Variants in CCDC69 observed in about 807,000 individuals in gnomAD.
CCDC69 encodes the protein coiled-coil domain containing 69.
In CCDC69, 38 loss-of-function variants were observed where a neutral mutation model predicts 40.3. That is an observed-to-expected ratio of 0.94 (90% CI 0.73 to 1.24). The LOEUF (loss-of-function observed/expected upper bound fraction) is 1.24, where lower values mean the gene tolerates loss of function less well. CCDC69 is among the 50% of genes most tolerant of loss of function. CCDC69 has a pLI of 0.00. For synonymous variants in CCDC69, 141 were observed against 138.9 expected (o/e 1.02, Z -0.11); for missense variants, 389 against 357.9 (o/e 1.09, Z -0.70).
intron 1 of CCDC69, among the ~76,000 whole-genome samples, chr5:151,221,974 A>G (rs980961128): frequency 4.6e-5 from 7 of 152,248 alleles, no homozygotes; most frequent in African/African-American, 1.7e-4. Flanking sequence ...ATCTTGCCAT[A>G]TAGGGGCAGG....
intron 4 of CCDC69, among the ~76,000 whole-genome samples, chr5:151,190,281 T>G (rs1752589253): frequency 1.3e-5 from 2 of 152,210 alleles, no homozygotes; most frequent in African/African-American, 4.8e-5. Context: ...TGTATGTAGA[T>G]GTAATACATG....
rs186767064 is a variant in CCDC69 at position 151,212,379 on chromosome 5, C to A, written c.49-6904G>T. 438 of 169,200 alleles carry A rather than the reference C, an allele frequency of 2.6e-3. 2 individuals carry two copies. Among genetic ancestry groups the A allele is most frequent in the Non-Finnish European group, 3.9e-3 (301 of 76,518 alleles). 10.5% of individuals were successfully genotyped at this position (169,200 alleles called of 1,614,324 possible). ...CTCCTAAGAAGGCTGGAAATAGAGCCCCTATACCCAGGTGACACTCACAGC... is the reference window on the plus strand; with the variant it reads ...CTCCTAAGAAGGCTGGAAATAGAGCACCTATACCCAGGTGACACTCACAGC... On this transcript the variant is annotated intron_variant, in intron 1 of 8. Coordinates refer to ENST00000355417, the MANE Select transcript of CCDC69 (RefSeq NM_015621.3).
chr5:151,190,188 T>G (rs1459658547), intron 4 of CCDC69, among the ~76,000 whole-genome samples: 1 of 152,184 alleles, frequency 6.6e-6, no homozygotes, highest in African/African-American at 2.4e-5. Flanking sequence ...GTAAATACAA[T>G]AGACTGTTCT....
At chr5:151,197,356 C>T (rs559466384) in intron 4 of CCDC69, among the ~76,000 whole-genome samples, 2 of 152,150 alleles carry the variant, frequency 1.3e-5, no homozygotes, top group South Asian at 2.1e-4. Context: ...GGCAAAACCC[C>T]ATCTCTACAA....
intron 1 of CCDC69, among the ~76,000 whole-genome samples, chr5:151,222,414 C>T (rs1033599629): frequency 1.3e-5 from 2 of 152,246 alleles, no homozygotes; most frequent in Non-Finnish European, 2.9e-5. Flanking sequence ...GGCTCTTCCC[C>T]GTTTCCTCCA....
At chr5:151,193,342 CAAAA>C (rs35463341) in intron 4 of CCDC69, among the ~76,000 whole-genome samples, 3,027 of 77,488 alleles carry the variant, frequency 0.039, 35 homozygotes, top group African/African-American at 0.049. Flanking sequence ...CTCATTTCTA[CAAAA>C]AAAAAAAAAA....
Position 151,221,328 on chromosome 5 carries a change from C to T in CCDC69, c.48+2595G>A, listed in dbSNP as rs114623310. On this transcript the variant is annotated intron_variant, in intron 1 of 8. Coordinates refer to ENST00000355417, the MANE Select transcript of CCDC69 (RefSeq NM_015621.3). The stretch of plus-strand genomic sequence containing the variant: ...CCATTCTCCACAAAGAACCCCCTCA[C>T]GCTGTGCTTTCAGTGGCTCAGCCTT... Among the ~76,000 whole-genome samples, 784 of 152,364 alleles carry T rather than the reference C, an allele frequency of 5.1e-3. 4 individuals carry two copies. The highest frequency in any genetic ancestry group is 0.014 in the Middle Eastern group (4 of 294).
intron 1 of CCDC69, among the ~76,000 whole-genome samples, chr5:151,214,420 C>T (rs956439907): frequency 6.6e-6 from 1 of 152,080 alleles, no homozygotes; most frequent in African/African-American, 2.4e-5. Context: ...GTGTTCACAC[C>T]CGAATTACAG....
intron 4 of CCDC69, 28 bp from the exon 5 acceptor site, chr5:151,187,487 T>G: frequency 1.3e-6 from 2 of 1,588,442 alleles, no homozygotes; most frequent in Non-Finnish European, 1.7e-6. Flanking sequence ...CTCCATAAGC[T>G]CAAGACACTT....
intron 4 of CCDC69, among the ~76,000 whole-genome samples, chr5:151,195,238 T>C (rs1752680643): frequency 6.6e-6 from 1 of 152,216 alleles, no homozygotes; most frequent in African/African-American, 2.4e-5. Flanking sequence ...GGTGTTACAG[T>C]AGGAAATTCT....
intron 6 of CCDC69, 84 bp from the exon 7 acceptor site, chr5:151,185,625 C>T (rs1457285924): frequency 4.9e-6 from 7 of 1,419,254 alleles, no homozygotes; most frequent in Non-Finnish European, 6.9e-6. Flanking sequence ...GTTGGACTTT[C>T]ACAAGTCACC....
intron 4 of CCDC69, among the ~76,000 whole-genome samples, chr5:151,197,551 A>C (rs550168230): frequency 1.6e-4 from 25 of 152,210 alleles, no homozygotes; most frequent in Non-Finnish European, 2.4e-4. Flanking sequence ...AACAAAAAAA[A>C]CAAAAACAAA....
At chr5:151,197,767 G>A (rs1390222691) in intron 4 of CCDC69, among the ~76,000 whole-genome samples, 2 of 152,094 alleles carry the variant, frequency 1.3e-5, no homozygotes, top group East Asian at 1.9e-4. Flanking sequence ...TTATAAAACC[G>A]GGGTTGATTA....
intron 7 of CCDC69, chr5:151,184,770 T>C (rs1031586419): frequency 5.2e-6 from 1 of 194,116 alleles, no homozygotes; most frequent in African/African-American, 2.3e-5. Context: ...GTCTGTTATG[T>C]GTTTCCACAA....
At chr5:151,205,543 A>C (rs1377106773) in intron 1 of CCDC69, 68 bp from the exon 2 acceptor site, 2 of 1,302,072 alleles carry the variant, frequency 1.5e-6, no homozygotes. Flanking sequence ...ACGGGCTGCT[A>C]TAGTGGGACT....
intron 1 of CCDC69, among the ~76,000 whole-genome samples, chr5:151,214,939 C>T (rs1214888052): frequency 6.6e-6 from 1 of 152,210 alleles, no homozygotes; most frequent in Non-Finnish European, 1.5e-5. Flanking sequence ...TCTAATACAC[C>T]TTATTTATTT....
At chr5:151,205,790 TTCTCCCGGGA>T (rs2113996679) in intron 1 of CCDC69, among the ~76,000 whole-genome samples, 1 of 152,276 alleles carries the variant, frequency 6.6e-6, no homozygotes, top group African/African-American at 2.4e-5. Context: ...CACCTCTTTC[TTCTCCCGGGA>T]TCTGGCCGGA....
Position 151,199,097 on chromosome 5 carries a change from A to C in CCDC69, c.232-13T>G, listed in dbSNP as rs755311974. The C allele has an allele frequency of 6.2e-7, 1 of 1,606,544 alleles. No homozygotes were observed. Among genetic ancestry groups the C allele is most frequent in the Non-Finnish European group, 8.5e-7 (1 of 1,173,796 alleles). On this transcript the variant is annotated splice_polypyrimidine_tract_variant and intron_variant, in intron 3 of 8. Coordinates refer to ENST00000355417, the MANE Select transcript of CCDC69 (RefSeq NM_015621.3). ...TTTCCTTCTCCACCTGGGGGCAGAG[A>C]GTCCCGGGCAGGACTGAGATTGAGC...
rs1393789927 is a variant in CCDC69 at position 151,183,306 on chromosome 5, C to A, written c.*131G>T. 2.8e-6 allele frequency: 3 copies of A among 1,060,504 alleles called. No homozygotes were observed. The highest frequency in any genetic ancestry group is 4.3e-6 in the Non-Finnish European group (3 of 700,304). 65.7% of individuals were successfully genotyped at this position (1,060,504 alleles called of 1,614,324 possible). A position where few individuals can be genotyped will look rare whatever the true frequency, so the allele number is the denominator to read the frequency against. On this transcript the variant is annotated 3_prime_UTR_variant, in exon 9 of 9. Transcript: ENST00000355417. ...GCCCCAGGGCTCACTGGGCACACAC[C>A]CAGGATCTCCATCTCGCTCCCACCC...
Sources: gnomAD v4.1 joint callset for allele counts (sites outside exome capture counted in the v4.1 genomes callset) on GRCh38, gnomAD v4.1.1 for gene constraint, MANE v1.5 for transcripts, NCBI Gene and HGNC (gene_info 2026-07-23, HGNC 2026-07-21) for gene names.